Variants in MYO18A observed in about 807,000 individuals in gnomAD.
MYO18A encodes myosin XVIIIA.
Under a neutral mutation model 235.8 loss-of-function variants are expected in MYO18A, and 78 were observed. That is an observed-to-expected ratio of 0.33 (90% confidence interval 0.28 to 0.40). MYO18A has a LOEUF of 0.40. MYO18A is among the 10% of genes least tolerant of loss of function. MYO18A has a pLI of 1.00. For synonymous variants in MYO18A, 977 were observed against 1,077.8 expected, an observed-to-expected ratio of 0.91 and a Z score of 1.83; for missense variants, 2,215 against 2,699.3, an observed-to-expected ratio of 0.82 and a Z score of 3.98.
At chr17:29,112,502 C>A (rs2066955859) in intron 15 of MYO18A, among the ~76,000 whole-genome samples, 1 of 152,230 alleles carries the variant, frequency 6.6e-6, no homozygotes, top group Non-Finnish European at 1.5e-5. Flanking sequence ...CACCACTGAG[C>A]TGCAGCTAGC....
intron 41 of MYO18A, chr17:29,080,494 C>A (rs1598264676): frequency 2.0e-6 from 2 of 986,150 alleles, no homozygotes; most frequent in Non-Finnish European, 2.4e-6. Flanking sequence ...AGAATCAGGG[C>A]TCTCCCGGCC....
At chr17:29,136,813 C>T (rs184132446) in intron 2 of MYO18A, among the ~76,000 whole-genome samples, 166 of 152,224 alleles carry the variant, frequency 1.1e-3, no homozygotes, top group Admixed American at 4.3e-3. Flanking sequence ...ACTTCATCGG[C>T]GTGAAGGTTC....
rs761428118 is a variant in MYO18A at position 29,109,927 on chromosome 17, C to T, written c.3262G>A (p.Asp1088Asn). 2.3e-5 allele frequency: 36 copies of T among 1,597,808 alleles called. No homozygotes were observed. Among genetic ancestry groups the T allele is most frequent in the Non-Finnish European group, 2.6e-5 (31 of 1,172,624 alleles). Residue 1088 changes from aspartate (D) to asparagine (N), a missense_variant, in exon 19 of 42, where the codon GAC (aspartate) becomes AAC (asparagine). Transcript: ENST00000527372. The surrounding 1 kb of genome is among the most constrained non-coding windows in gnomAD (Gnocchi z 4.1). ...DHCEAGLLQLDVPLLRTQLRG... is the reference protein window; with the variant it reads ...DHCEAGLLQLNVPLLRTQLRG... ...AGCTGGGTGCGGAGCAGGGGCACGT[C>T]GAGCTGCAGGAGCCCAGCCTCGCAG...
intron 2 of MYO18A, among the ~76,000 whole-genome samples, chr17:29,153,328 T>C (rs996975972): frequency 2.6e-5 from 4 of 151,952 alleles, no homozygotes; most frequent in Admixed American, 2.6e-4. Flanking sequence ...CCATGTTGTC[T>C]GGGCTTGTCT....
At chr17:29,097,723 C>CTA in intron 26 of MYO18A, 65 bp downstream of exon 26, 1 of 1,422,508 alleles carries the variant, frequency 7.0e-7, no homozygotes, top group Non-Finnish European at 9.7e-7. Context: ...GGCATGACTA[C>CTA]CCAGGGGTGG....
intron 19 of MYO18A, among the ~76,000 whole-genome samples, chr17:29,108,375 AAGTCACCCT>A (rs1257438183): frequency 1.3e-5 from 2 of 152,160 alleles, no homozygotes; most frequent in African/African-American, 4.8e-5. Flanking sequence ...AAGTGACCCC[AAGTCACCCT>A]GATCTTACCA....
At chr17:29,075,769 C>A (rs2065959205) in intron 41 of MYO18A, 1 of 153,292 alleles carries the variant, frequency 6.5e-6, no homozygotes, top group Non-Finnish European at 1.5e-5. Context: ...TCCCGTACTC[C>A]TCCTGCCTCC....
intron 2 of MYO18A, among the ~76,000 whole-genome samples, chr17:29,128,737 A>G (rs1398840007): frequency 4.6e-5 from 7 of 152,182 alleles, no homozygotes; most frequent in Non-Finnish European, 1.0e-4. Context: ...ACTGCAGCTA[A>G]GAGTCTGGCT....
intron 41 of MYO18A, 109 bp from the exon 42 acceptor site, chr17:29,075,023 G>T: frequency 7.5e-7 from 1 of 1,326,276 alleles, no homozygotes; most frequent in Non-Finnish European, 1.0e-6. Context: ...CTCCCCAAAA[G>T]CCAAACATTG....
At chr17:29,129,381 T>A (rs565866492) in intron 2 of MYO18A, among the ~76,000 whole-genome samples, 1 of 152,302 alleles carries the variant, frequency 6.6e-6, no homozygotes, top group East Asian at 1.9e-4. Flanking sequence ...TCAGCTCCAA[T>A]CTTCCCTGGA....
intron 2 of MYO18A, among the ~76,000 whole-genome samples, chr17:29,154,121 T>TGTGTGTGTGTGTGTGCGC (rs142430455): frequency 5.4e-5 from 8 of 148,994 alleles, no homozygotes; most frequent in African/African-American, 1.5e-4. Context: ...TGTGTGTGTG[T>TGTGTGTGTGTGTGTGCGC]GCGCGCGCGT....
intron 2 of MYO18A, among the ~76,000 whole-genome samples, chr17:29,136,300 C>A (rs2067602226): frequency 1.4e-5 from 2 of 139,520 alleles, no homozygotes; most frequent in African/African-American, 2.7e-5. Context: ...AGTACATAAA[C>A]CTACCATGTA....
chr17:29,084,887 G>T (rs1036457435), intron 40 of MYO18A, among the ~76,000 whole-genome samples: 7 of 152,080 alleles, frequency 4.6e-5, no homozygotes, highest in Non-Finnish European at 7.4e-5. Flanking sequence ...ATCTGCATCC[G>T]CTGTCCAGCT....
rs116368230 is a variant in MYO18A at position 29,109,083 on chromosome 17, G to A, written c.3331+775C>T. On this transcript the variant is annotated intron_variant, in intron 19 of 41. Transcript: ENST00000527372. This position sits in a 1 kb window ranked among gnomAD's most constrained non-coding sequence, Gnocchi z 4.1. ...AGGGGACCTGGCTGTGGGTGGGTGGGACCCTACCTGCTCTTCTAGTGAAGG... is the reference window on the plus strand; with the variant it reads ...AGGGGACCTGGCTGTGGGTGGGTGGAACCCTACCTGCTCTTCTAGTGAAGG... Among the ~76,000 whole-genome samples, 3,113 of 151,594 alleles carry A rather than the reference G, an allele frequency of 0.021. 97 individuals are homozygous for A. Among genetic ancestry groups the A allele is most frequent in the African/African-American group, 0.07 (2,911 of 41,306 alleles).
chr17:29,104,380 G>C (rs1404740837), intron 20 of MYO18A, among the ~76,000 whole-genome samples: 2 of 152,184 alleles, frequency 1.3e-5, no homozygotes, highest in Admixed American at 6.5e-5. Context: ...TATGTAAGGA[G>C]GAATCTAGGG....
intron 28 of MYO18A, 24 bp downstream of exon 28, chr17:29,096,737 G>A (rs748318005): frequency 1.4e-5 from 22 of 1,573,374 alleles, no homozygotes; most frequent in East Asian, 2.3e-5. Context: ...GGTTCTCTGG[G>A]CCCAGGGCAG....
intron 2 of MYO18A, chr17:29,124,808 G>T: frequency 2.5e-6 from 2 of 814,998 alleles, no homozygotes; most frequent in Non-Finnish European, 3.3e-6. Context: ...GTTGTCCAAG[G>T]CTCGGGGTGA....
In MYO18A at chr17:29,087,137, G is replaced by A. The variant is rs1264137717; in HGVS notation, c.5527-16C>T. On this transcript the variant is annotated splice_polypyrimidine_tract_variant and intron_variant, in intron 37 of 41. Transcript: ENST00000527372. ...TAGCCAGGCTCTGGATAGGTAGGTG[G>A]GGAAGAAAGACACAGCAGGCAGGCC... The A allele has an allele frequency of 6.2e-7, 1 of 1,606,932 alleles. No homozygotes were observed. Among genetic ancestry groups the A allele is most frequent in the East Asian group, 2.2e-5 (1 of 44,768 alleles).
At chr17:29,144,534 G>T (rs927879998) in intron 2 of MYO18A, among the ~76,000 whole-genome samples, 1 of 152,168 alleles carries the variant, frequency 6.6e-6, no homozygotes, top group African/African-American at 2.4e-5. Flanking sequence ...CCTCTTTCTT[G>T]CTGTCTGACC....
Sources: allele counts gnomAD v4.1 joint callset (sites outside exome capture counted in the v4.1 genomes callset), GRCh38; gene constraint gnomAD v4.1.1; non-coding constraint Gnocchi (gnomAD v3.1); transcripts MANE v1.5; gene names NCBI Gene and HGNC (gene_info 2026-07-23, HGNC 2026-07-21).